The following CABIN1 variants were observed in gnomAD, a reference collection of about 807,000 sequenced individuals.
The protein encoded by CABIN1 is calcineurin binding protein 1, also known as calcineurin-binding protein cabin-1.
A neutral mutation model predicts 227.7 loss-of-function variants in CABIN1; 133 were observed. That is an observed-to-expected ratio of 0.58 (90% CI 0.51 to 0.67). The LOEUF (loss-of-function observed/expected upper bound fraction) is 0.67, where lower values mean the gene tolerates loss of function less well. Ranked by LOEUF, CABIN1 falls within the 30% of genes least tolerant of loss-of-function variation. The pLI is 0.00. For missense variants in CABIN1, 2,408 were observed against 2,852.5 expected, an observed-to-expected ratio of 0.84 and a Z score of 3.55; for synonymous variants, 1,086 against 1,155.1, an observed-to-expected ratio of 0.94 and a Z score of 1.21.
intron 23 of CABIN1, among the ~76,000 whole-genome samples, chr22:24,091,370 C>T (rs1205273028): frequency 1.3e-5 from 2 of 152,190 alleles, no homozygotes; most frequent in African/African-American, 4.8e-5. Flanking sequence ...AAGTCCTGCT[C>T]TATGCCTTGC....
chr22:24,065,301 G>A (rs2039554265), intron 15 of CABIN1, among the ~76,000 whole-genome samples: 1 of 150,940 alleles, frequency 6.6e-6, no homozygotes, highest in Non-Finnish European at 1.5e-5. Flanking sequence ...GGGCGGCCGG[G>A]CAGAGACGCT....
chr22:24,070,798 A>G lies in CABIN1; in HGVS notation c.2233-2A>G. On this transcript the variant is annotated splice_acceptor_variant, in intron 16 of 36. Coordinates refer to ENST00000263119, the MANE Select transcript of CABIN1 (RefSeq NM_012295.4). LOFTEE classifies it high-confidence loss of function. ...ACTTCACCTGGCTTCTTGCTGTACT[A>G]GGACTCCTTGCTCCGGCTGAAGGAC... 2 of 1,614,138 alleles carry G rather than the reference A, an allele frequency of 1.2e-6. No individual in the cohort carries two copies. Among genetic ancestry groups the G allele is most frequent in the South Asian group, 1.1e-5 (1 of 91,076 alleles).
At chr22:24,017,423 A>T (rs2035384195) in intron 1 of CABIN1, among the ~76,000 whole-genome samples, 1 of 152,058 alleles carries the variant, frequency 6.6e-6, no homozygotes, top group South Asian at 2.1e-4. Flanking sequence ...ACCACCATCC[A>T]TCTCCGGAAC....
At chr22:24,094,661 C>A (rs1424883561) in intron 24 of CABIN1, among the ~76,000 whole-genome samples, 1 of 150,214 alleles carries the variant, frequency 6.7e-6, no homozygotes, top group African/African-American at 2.5e-5. Context: ...ACTAAAAATA[C>A]AAAAAATTAG....
At chr22:24,092,970 A>G (rs1383477181) in intron 24 of CABIN1, among the ~76,000 whole-genome samples, 1 of 152,152 alleles carries the variant, frequency 6.6e-6, no homozygotes, top group African/African-American at 2.4e-5. Context: ...GTAGTTTAGC[A>G]GGGCGTTTGT....
At position 24,083,308 on chromosome 22, in the gene CABIN1, G is replaced by C; in HGVS notation, c.2829G>C (p.Leu943Phe). ...HPYKEELETA[L>F]EQCFYCLYSF... ...ACAAGGAGGAGCTGGAGACAGCCTT[G>C]GAGCAGTGCTTCTACTGCCTGTACA... The change falls in exon 20 of 37, where the codon TTG (leucine) becomes TTC (phenylalanine). Residue 943 changes from leucine (L) to phenylalanine (F), a missense_variant. By Grantham distance (22) the Leu-to-Phe change is conservative. Around this residue, in one of 3 missense-constraint regions of CABIN1, gnomAD observed 649 missense variants for 910.3 expected, o/e 0.71. Transcript: ENST00000263119. The C allele has an allele frequency of 2.5e-6, 4 of 1,613,732 alleles. No individual in the cohort carries two copies. The highest frequency in any genetic ancestry group is 3.4e-6 in the Non-Finnish European group (4 of 1,180,014).
intron 16 of CABIN1, 66 bp from the exon 17 acceptor site, chr22:24,070,734 G>T: frequency 6.2e-7 from 1 of 1,612,150 alleles, no homozygotes; most frequent in African/African-American, 1.3e-5. Flanking sequence ...AGTTGTCTCT[G>T]CTCAGGCCTT....
intron 31 of CABIN1, 42 bp downstream of exon 31, chr22:24,165,668 A>C: frequency 6.6e-6 from 10 of 1,521,302 alleles, no homozygotes; most frequent in Non-Finnish European, 8.1e-6. Flanking sequence ...GCCCATGAAC[A>C]CGCTTCCAAG....
chr22:24,096,199 T>A, intron 25 of CABIN1, 117 bp downstream of exon 25: 1 of 1,206,556 alleles, frequency 8.3e-7, no homozygotes, highest in Non-Finnish European at 1.2e-6. Flanking sequence ...AAACTAGAAC[T>A]CATGGAGTCC....
intron 6 of CABIN1, 103 bp downstream of exon 6, chr22:24,043,187 GT>G: frequency 1.0e-6 from 1 of 967,806 alleles, no homozygotes; most frequent in Non-Finnish European, 1.6e-6. Flanking sequence ...CACTGAAGGG[GT>G]TTGCCAGACT....
rs776336017 is a variant in CABIN1 at position 24,072,345 on chromosome 22, C to G, written c.2476-9C>G. 4.3e-6 allele frequency: 7 copies of G among 1,614,038 alleles called. No individual in the cohort carries two copies. Among genetic ancestry groups the G allele is most frequent in the Non-Finnish European group, 5.9e-6 (7 of 1,180,034 alleles). ...GACACTTCTGCTGTCTCCCACCCCG[C>G]ACTGTCAGGTCATTGACTGCAGCAT... On this transcript the variant is annotated splice_polypyrimidine_tract_variant and intron_variant, in intron 17 of 36. Transcript: ENST00000263119.
At chr22:24,045,166 C>T (rs1202316997) in intron 6 of CABIN1, among the ~76,000 whole-genome samples, 9 of 152,186 alleles carry the variant, frequency 5.9e-5, no homozygotes, top group East Asian at 1.9e-4. Context: ...CCTCGTGATC[C>T]GCCCGCCTTG....
intron 33 of CABIN1, among the ~76,000 whole-genome samples, chr22:24,169,876 C>T (rs923403013): frequency 2.0e-5 from 3 of 152,264 alleles, no homozygotes; most frequent in South Asian, 2.1e-4. Context: ...CTGGGCCAGA[C>T]CCCATTTTGC....
chr22:24,017,000 A>T (rs1480176614), intron 1 of CABIN1, among the ~76,000 whole-genome samples: 2 of 151,590 alleles, frequency 1.3e-5, no homozygotes, highest in African/African-American at 4.8e-5. Flanking sequence ...TAGCTTTTTA[A>T]AAAAAATTGT....
rs921379123 is a variant in CABIN1, at chr22:24,056,045, G to T, written c.1094-147G>T. On this transcript the variant is annotated intron_variant, in intron 9 of 36. Coordinates refer to ENST00000263119, the MANE Select transcript of CABIN1 (RefSeq NM_012295.4). ...AAATTAATTTTACTCAGGATTCTTTGTTGTTGAAGAAGAGATGGAAGATTT... is the reference window on the plus strand; with the variant it reads ...AAATTAATTTTACTCAGGATTCTTTTTTGTTGAAGAAGAGATGGAAGATTT... 69 of 705,964 alleles carry T rather than the reference G, an allele frequency of 9.8e-5. 2 individuals are homozygous for T. The highest frequency in any genetic ancestry group is 4.8e-6 in the Non-Finnish European group (2 of 412,820). 43.7% of individuals were successfully genotyped at this position (705,964 alleles called of 1,614,324 possible).
At chr22:24,044,167 C>T (rs2037659652) in intron 6 of CABIN1, among the ~76,000 whole-genome samples, 1 of 152,142 alleles carries the variant, frequency 6.6e-6, no homozygotes, top group African/African-American at 2.4e-5. Context: ...CTGGCCTATG[C>T]AAACTGGAGA....
Position 24,067,318 on chromosome 22 carries a change from C to A in CABIN1, c.2232+137C>A, listed in dbSNP as rs189722790. On this transcript the variant is annotated intron_variant, in intron 16 of 36. Coordinates refer to ENST00000263119, the MANE Select transcript of CABIN1 (RefSeq NM_012295.4). Reference sequence around the variant, plus strand: ...GTGGATGTCAAAACCACTAAGCCCCCAGGAAGATGTTAGTCAGAAGATATG... The same window carrying A: ...GTGGATGTCAAAACCACTAAGCCCCAAGGAAGATGTTAGTCAGAAGATATG... 3.9e-3 allele frequency: 3,498 copies of A among 903,842 alleles called. 10 individuals are homozygous for A. The highest frequency in any genetic ancestry group is 5.1e-3 in the Non-Finnish European group (2,867 of 562,602). The allele number at this position is 903,842 out of a possible 1,614,324, so 56.0% of individuals were successfully genotyped here.
intron 19 of CABIN1, among the ~76,000 whole-genome samples, chr22:24,082,085 C>T (rs1312970966): frequency 7.0e-4 from 85 of 121,180 alleles, no homozygotes; most frequent in African/African-American, 2.4e-3. Context: ...TATTCTCTCT[C>T]TTTTTTTTTT....
chr22:24,091,912 A>C, intron 24 of CABIN1, 69 bp downstream of exon 24: 1 of 1,585,346 alleles, frequency 6.3e-7, no homozygotes, highest in Non-Finnish European at 8.6e-7. Flanking sequence ...CTCCCTGGGC[A>C]TGTGGCTCAA....
Sources: gnomAD v4.1 joint callset for allele counts (sites outside exome capture counted in the v4.1 genomes callset) on GRCh38, gnomAD v4.1.1 for gene constraint, gnomAD v4.1.1 regional missense constraint, MANE v1.5 for transcripts, NCBI Gene and HGNC (gene_info 2026-07-23, HGNC 2026-07-21) for gene names.